Variants in FAM184B observed in about 807,000 individuals in gnomAD.
FAM184B encodes the protein protein FAM184B.
A neutral mutation model predicts 135.9 loss-of-function variants in FAM184B; 111 were observed. The ratio of observed to expected loss-of-function variants is 0.82; its 90% CI spans 0.70 to 0.96. The LOEUF (loss-of-function observed/expected upper bound fraction) is 0.96. Ranked by LOEUF, FAM184B falls within the 40% of genes least tolerant of loss-of-function variation. The probability of loss-of-function intolerance (pLI) is 0.00; values close to 1 mark genes in which losing one functional copy is unlikely to be tolerated. For missense variants in FAM184B, 1,375 were observed against 1,323.9 expected (o/e 1.04, Z -0.60); for synonymous variants, 552 against 524.8 (o/e 1.05, Z -0.71).
At chr4:17,646,291 G>A (rs1715463750) in intron 12 of FAM184B, among the ~76,000 whole-genome samples, 1 of 151,184 alleles carries the variant, frequency 6.6e-6, no homozygotes, top group Admixed American at 6.6e-5. Flanking sequence ...TATGTTTACT[G>A]CAACACTATT....
intron 1 of FAM184B, among the ~76,000 whole-genome samples, chr4:17,765,042 A>G (rs1718628331): frequency 6.6e-6 from 1 of 152,220 alleles, no homozygotes; most frequent in Admixed American, 6.5e-5. Context: ...CTCCTGGGCA[A>G]CAGAGCAAGA....
intron 1 of FAM184B, among the ~76,000 whole-genome samples, chr4:17,766,835 G>A (rs1311967109): frequency 6.6e-6 from 1 of 152,256 alleles, no homozygotes; most frequent in Non-Finnish European, 1.5e-5. Context: ...GGCGGTCAAT[G>A]GGACCAGGCG....
At chr4:17,724,879 A>T (rs1428222225) in intron 1 of FAM184B, among the ~76,000 whole-genome samples, 1 of 152,224 alleles carries the variant, frequency 6.6e-6, no homozygotes, top group African/African-American at 2.4e-5. Flanking sequence ...CCTATATTCT[A>T]CGTCAATTCT....
intron 1 of FAM184B, among the ~76,000 whole-genome samples, chr4:17,762,159 CAGA>C (rs1252778502): frequency 6.6e-6 from 1 of 152,138 alleles, no homozygotes; most frequent in African/African-American, 2.4e-5. Flanking sequence ...GTATCCAGCA[CAGA>C]ATAAGCTTGT....
At chr4:17,637,533 C>T (rs913592860) in intron 14 of FAM184B, among the ~76,000 whole-genome samples, 1 of 152,168 alleles carries the variant, frequency 6.6e-6, no homozygotes, top group Non-Finnish European at 1.5e-5. Context: ...GTTCCCTCTC[C>T]TTTAAAATGG....
intron 14 of FAM184B, among the ~76,000 whole-genome samples, chr4:17,638,298 C>T (rs1715209526): frequency 6.6e-6 from 1 of 151,928 alleles, no homozygotes; most frequent in Non-Finnish European, 1.5e-5. Context: ...AGACGATCCT[C>T]CCGCCTCAGC....
chr4:17,757,720 A>G (rs758100394), intron 1 of FAM184B, among the ~76,000 whole-genome samples: 39 of 152,174 alleles, frequency 2.6e-4, no homozygotes, highest in Non-Finnish European at 4.7e-4. Context: ...CTAATGTTAC[A>G]CATATTTGAA....
intron 1 of FAM184B, among the ~76,000 whole-genome samples, chr4:17,726,300 C>A (rs1717637460): frequency 6.6e-6 from 1 of 152,180 alleles, no homozygotes; most frequent in Non-Finnish European, 1.5e-5. Flanking sequence ...TTTATTGGCT[C>A]ATATACCTGA....
At chr4:17,765,207 A>T (rs1265519298) in intron 1 of FAM184B, among the ~76,000 whole-genome samples, 1 of 152,152 alleles carries the variant, frequency 6.6e-6, no homozygotes, top group Non-Finnish European at 1.5e-5. Flanking sequence ...CCGAGTCAGG[A>T]CCTCAGCACA....
rs1331976327 is a variant in FAM184B, at chr4:17,630,530, TGTGA to T, written c.*1998_*2001del. 4 of 152,252 alleles carry T rather than the reference TGTGA, an allele frequency of 2.6e-5. No homozygotes were observed. In the East Asian group the frequency reaches 5.8e-4, roughly 22 times the overall value. 9.4% of individuals were successfully genotyped at this position (152,252 alleles called of 1,614,324 possible). A position where few individuals can be genotyped will look rare whatever the true frequency, so the allele number is the denominator to read the frequency against. On this transcript the variant is annotated 3_prime_UTR_variant, in exon 18 of 18. Coordinates refer to ENST00000265018, the MANE Select transcript of FAM184B (RefSeq NM_015688.2). The stretch of plus-strand genomic sequence containing the variant: ...TGATCTTGGACTTAGCCTCTAGGAC[TGTGA>T]GTGACATATTTCTATTGTTTATAAA...
intron 1 of FAM184B, among the ~76,000 whole-genome samples, chr4:17,742,632 G>A (rs1210952771): frequency 6.6e-6 from 1 of 152,200 alleles, no homozygotes; most frequent in African/African-American, 2.4e-5. Flanking sequence ...TGAGCCGCGA[G>A]CAGAGAAGCA....
At chr4:17,742,959 A>G (rs1718077922) in intron 1 of FAM184B, among the ~76,000 whole-genome samples, 1 of 152,204 alleles carries the variant, frequency 6.6e-6, no homozygotes, top group African/African-American at 2.4e-5. Context: ...TTGGTTATAC[A>G]TGCTTGGAGC....
chr4:17,633,876 C>G lies in FAM184B; in HGVS notation c.2902G>C (p.Glu968Gln), dbSNP rs1162357413. ...CTGACCACGCGGCTGGGCACGTCCT[C>G]CACCTTCTTTTTCTGTTTGTATTAA... is the stretch of plus-strand genomic sequence containing the variant. ...LTPSMKKKKV[E>Q]DVPSRVVSVP... Residue 968 changes from glutamate to glutamine, a missense_variant, in exon 17 of 18, where the codon GAG becomes CAG. Physicochemically the swap from Glu to Gln is conservative, Grantham distance 29 (BLOSUM62 2). Coordinates refer to ENST00000265018, the MANE Select transcript of FAM184B (RefSeq NM_015688.2). 6.5e-6 allele frequency: 10 copies of G among 1,548,452 alleles called. No homozygotes were observed. The highest frequency in any genetic ancestry group is 2.0e-5 in the Admixed American group (1 of 50,520).
intron 11 of FAM184B, 103 bp downstream of exon 11, chr4:17,652,727 G>A (rs1715654491): frequency 7.4e-7 from 1 of 1,354,908 alleles, no homozygotes; most frequent in Non-Finnish European, 9.9e-7. Flanking sequence ...CGTGGCCTGT[G>A]AGCCCGAGAA....
Position 17,636,547 on chromosome 4 carries a change from T to G in FAM184B, c.2765A>C (p.Asp922Ala). The G allele has an allele frequency of 1.3e-6, 2 of 1,550,956 alleles. 1 individual carries two copies. ...CCTCACCGTGAGCTGCTTGATGATG[T>G]CCTCTCTCTCCTTCAGGCGGGTCTG... ...RLQTRLKERE[D>A]IIKQLTEERR... Residue 922 changes from aspartate (D) to alanine (A), a missense_variant, in exon 15 of 18, where the codon GAC (aspartate) becomes GCC (alanine). By Grantham distance (126) the Asp-to-Ala change is moderately radical (BLOSUM62 -2). Coordinates refer to ENST00000265018, the MANE Select transcript of FAM184B (RefSeq NM_015688.2).
At chr4:17,728,526 C>A (rs1717695176) in intron 1 of FAM184B, among the ~76,000 whole-genome samples, 1 of 152,170 alleles carries the variant, frequency 6.6e-6, no homozygotes, top group Admixed American at 6.5e-5. Context: ...GAGCTTAGGG[C>A]TTGCAGACTC....
chr4:17,655,613 C>T (rs891328704), intron 10 of FAM184B, among the ~76,000 whole-genome samples: 6 of 152,178 alleles, frequency 3.9e-5, no homozygotes, highest in Non-Finnish European at 5.9e-5. Flanking sequence ...ATACCTTAGA[C>T]AACTCCCTCA....
chr4:17,781,321 C>CA lies in FAM184B; in HGVS notation c.-23dup. 8 of 1,510,618 alleles carry CA rather than the reference C, an allele frequency of 5.3e-6. No individual in the cohort carries two copies. Among genetic ancestry groups the CA allele is most frequent in the Non-Finnish European group, 5.3e-6 (6 of 1,122,596 alleles). 93.6% of individuals were successfully genotyped at this position (1,510,618 alleles called of 1,614,324 possible). A position where few individuals can be genotyped will look rare whatever the true frequency, so the allele number is the denominator to read the frequency against. On this transcript the variant is annotated 5_prime_UTR_variant, in exon 1 of 18. Transcript: ENST00000265018. The surrounding 1 kb of genome is among the most constrained non-coding windows in gnomAD (Gnocchi z 6.5). ...CCATCGCTAAAACGCGCCCAGCACTCAGACTCTCTCGTTTTCTCCCTGCCC... is the reference window on the plus strand; with the variant it reads ...CCATCGCTAAAACGCGCCCAGCACTCAAGACTCTCTCGTTTTCTCCCTGCCC...
intron 5 of FAM184B, among the ~76,000 whole-genome samples, chr4:17,696,261 G>A (rs190634213): frequency 1.6e-4 from 24 of 152,188 alleles, no homozygotes; most frequent in Non-Finnish European, 2.4e-4. Flanking sequence ...AAGCCTGATT[G>A]GTTGACTGTG....
Sources: gnomAD v4.1 joint callset for allele counts (sites outside exome capture counted in the v4.1 genomes callset) on GRCh38, gnomAD v4.1.1 for gene constraint, Gnocchi (gnomAD v3.1) non-coding constraint, MANE v1.5 for transcripts, NCBI Gene and HGNC (gene_info 2026-07-23, HGNC 2026-07-21) for gene names.